Variants in STYK1 observed in about 807,000 individuals in gnomAD.
STYK1 encodes the protein STY kinase 1.
In STYK1, 46 loss-of-function variants were observed where a neutral mutation model predicts 48.1. The ratio of observed to expected loss-of-function variants is 0.96; its 90% CI spans 0.75 to 1.22. The LOEUF is 1.22. Ranked by LOEUF, STYK1 falls within the 50% of genes most tolerant of loss-of-function variation. The pLI is 0.00. For synonymous variants in STYK1, 188 were observed against 189.0 expected, an observed-to-expected ratio of 0.99 and a Z score of 0.04; for missense variants, 527 against 521.1, an observed-to-expected ratio of 1.01 and a Z score of -0.11.
chr12:10,641,157 G>A (rs553140952), intron 1 of STYK1, among the ~76,000 whole-genome samples: 1 of 152,136 alleles, frequency 6.6e-6, no homozygotes, highest in South Asian at 2.1e-4. Context: ...CAGAATAAGG[G>A]CTATCAGTGA....
chr12:10,664,273 G>T (rs1947811852), intron 1 of STYK1, among the ~76,000 whole-genome samples: 1 of 152,102 alleles, frequency 6.6e-6, no homozygotes, highest in Non-Finnish European at 1.5e-5. Flanking sequence ...ATGAATTGCA[G>T]GGACAAGAGA....
Position 10,629,606 on chromosome 12 carries a change from G to A in STYK1, c.520C>T (p.His174Tyr), listed in dbSNP as rs1253656020. 4.3e-6 allele frequency: 7 copies of A among 1,614,158 alleles called. No individual in the cohort carries two copies. The highest frequency in any genetic ancestry group is 5.9e-6 in the Non-Finnish European group (7 of 1,180,042). ...CCTTCCAGCTGCACCAGGTTTTTGTGTTTCCCCAGGTATTGATGGAATTGG... is the reference window on the plus strand; with the variant it reads ...CCTTCCAGCTGCACCAGGTTTTTGTATTTCCCCAGGTATTGATGGAATTGG... ...RIQFHQYLGK[H>Y]KNLVQLEGCC... Residue 174 changes from histidine (H) to tyrosine (Y), a missense_variant, in exon 6 of 11, where the codon CAC becomes TAC. Physicochemically the swap from His to Tyr is moderately conservative, Grantham distance 83. Coordinates refer to ENST00000075503, the MANE Select transcript of STYK1 (RefSeq NM_018423.3).
At chr12:10,629,458 C>G (rs371519822) in intron 6 of STYK1, 35 bp downstream of exon 6, 1 of 1,607,988 alleles carries the variant, frequency 6.2e-7, no homozygotes, top group Non-Finnish European at 8.5e-7. Flanking sequence ...CAAGGTCAAG[C>G]CTTAACCTCC....
At chr12:10,632,201 T>A (rs201463148) in intron 4 of STYK1, among the ~76,000 whole-genome samples, 4 of 146,822 alleles carry the variant, frequency 2.7e-5, no homozygotes, top group Admixed American at 6.8e-5. Flanking sequence ...TCCATCTCTT[T>A]AAAAAAAAAA....
intron 1 of STYK1, among the ~76,000 whole-genome samples, chr12:10,661,598 T>C (rs1947777431): frequency 6.6e-6 from 1 of 152,224 alleles, no homozygotes; most frequent in Non-Finnish European, 1.5e-5. Context: ...ATTTATATAG[T>C]GGTAGTCATG....
intron 10 of STYK1, among the ~76,000 whole-genome samples, chr12:10,620,931 C>T (rs1400394858): frequency 6.6e-6 from 1 of 152,010 alleles, no homozygotes; most frequent in Non-Finnish European, 1.5e-5. Flanking sequence ...GCCTTTAACA[C>T]ATAGAAATGT....
intron 1 of STYK1, among the ~76,000 whole-genome samples, chr12:10,649,746 C>A (rs147425948): frequency 6.6e-6 from 1 of 152,182 alleles, no homozygotes; most frequent in East Asian, 1.9e-4. Flanking sequence ...CAAAAAAAGA[C>A]CAAGAGGGAA....
In STYK1 at chr12:10,620,189, G is replaced by A. The variant is rs773178872; in HGVS notation, c.1224C>T (p.Ala408=). The A allele has an allele frequency of 1.1e-5, 18 of 1,614,014 alleles. No homozygotes were observed. The highest frequency in any genetic ancestry group is 8.9e-5 in the East Asian group (4 of 44,894). ...LVVPELYAAV[A]GIRVESLFYN... ...AGAAGAGGCTCTCCACTCTGATGCC[G>A]GCCACAGCTGCATACAGTTCAGGTA... Residue 408 remains alanine, a synonymous_variant, in exon 11 of 11, where the codon GCC becomes GCT. Transcript: ENST00000075503.
chr12:10,644,932 G>A (rs1021528389), intron 1 of STYK1, among the ~76,000 whole-genome samples: 1 of 151,600 alleles, frequency 6.6e-6, no homozygotes, highest in African/African-American at 2.4e-5. Flanking sequence ...GAGAGAAAGA[G>A]GAAAAAATGA....
intron 1 of STYK1, among the ~76,000 whole-genome samples, chr12:10,663,707 T>C (rs1462543317): frequency 8.0e-5 from 12 of 150,328 alleles, no homozygotes; most frequent in African/African-American, 2.9e-4. Context: ...TCCCTTGCGT[T>C]CTCATAAATT....
intron 6 of STYK1, 90 bp downstream of exon 6, chr12:10,629,403 A>G: frequency 7.4e-7 from 1 of 1,348,470 alleles, no homozygotes; most frequent in Non-Finnish European, 1.0e-6. Context: ...GTGTCTCTGC[A>G]TTTTGTCATT....
chr12:10,636,567 A>C (rs1346825434), intron 2 of STYK1, among the ~76,000 whole-genome samples: 1 of 152,214 alleles, frequency 6.6e-6, no homozygotes. Context: ...ACTTTCAAAA[A>C]ACAGACCTTA....
Position 10,631,054 on chromosome 12 carries a change from C to T in STYK1, c.442G>A (p.Ala148Thr). 1 of 1,613,700 alleles carries T rather than the reference C, an allele frequency of 6.2e-7. No individual in the cohort carries two copies. Among genetic ancestry groups the T allele is most frequent in the Non-Finnish European group, 8.5e-7 (1 of 1,179,800 alleles). ...ACACTTCTTGTTTTACCTTTTAAAG[C>T]CTTGAGAATAACACTCTTGGGCTTA... Reference protein sequence around the residue: ...PSKPKSVILKALKEPAGLHEV... With the variant: ...PSKPKSVILKTLKEPAGLHEV... The change falls in exon 5 of 11, where the codon GCT (alanine) becomes ACT (threonine). Residue 148 changes from alanine to threonine, a missense_variant. By Grantham distance (58) the Ala-to-Thr change is moderately conservative (BLOSUM62 0). Coordinates refer to ENST00000075503, the MANE Select transcript of STYK1 (RefSeq NM_018423.3).
At chr12:10,624,950 A>T in intron 7 of STYK1, 91 bp from the exon 8 acceptor site, 1 of 1,130,416 alleles carries the variant, frequency 8.8e-7, no homozygotes, top group Non-Finnish European at 1.3e-6. Flanking sequence ...CTTCAAAAAC[A>T]CAAGGACATT....
chr12:10,665,308 T>C (rs576246027), intron 1 of STYK1, among the ~76,000 whole-genome samples: 1 of 152,204 alleles, frequency 6.6e-6, no homozygotes. Context: ...CTTTGACAAA[T>C]ACACTATGAA....
At chr12:10,646,646 G>A (rs896700082) in intron 1 of STYK1, among the ~76,000 whole-genome samples, 3 of 152,234 alleles carry the variant, frequency 2.0e-5, no homozygotes, top group Non-Finnish European at 4.4e-5. Flanking sequence ...GTAACAAGGA[G>A]CCAAATGTTA....
At chr12:10,650,618 C>A (rs1028166492) in intron 1 of STYK1, among the ~76,000 whole-genome samples, 4 of 152,164 alleles carry the variant, frequency 2.6e-5, no homozygotes, top group African/African-American at 9.7e-5. Flanking sequence ...AAATTTCTTT[C>A]TTCTTAGCAC....
intron 1 of STYK1, among the ~76,000 whole-genome samples, chr12:10,638,871 C>T (rs1947513714): frequency 6.6e-6 from 1 of 152,188 alleles, no homozygotes; most frequent in South Asian, 2.1e-4. Context: ...TTGTGCCAGC[C>T]TCACCTTCAA....
intron 1 of STYK1, among the ~76,000 whole-genome samples, chr12:10,670,316 G>A (rs1309318274): frequency 6.6e-6 from 1 of 152,058 alleles, no homozygotes; most frequent in African/African-American, 2.4e-5. Flanking sequence ...ATATCCAAGA[G>A]ATGGAATCAA....
Sources: allele counts gnomAD v4.1 joint callset (sites outside exome capture counted in the v4.1 genomes callset), GRCh38; gene constraint gnomAD v4.1.1; transcripts MANE v1.5; gene names NCBI Gene and HGNC (gene_info 2026-07-23, HGNC 2026-07-21).